Variants in ENOX1 observed in about 807,000 individuals in gnomAD.
The protein encoded by ENOX1 is candidate growth-related and time keeping constitutive hydroquinone (NADH) oxidase.
A neutral mutation model predicts 82.5 loss-of-function variants in ENOX1; 42 were observed. The observed-to-expected ratio is 0.51, with a 90% confidence interval of 0.40 to 0.66. The LOEUF (loss-of-function observed/expected upper bound fraction) is 0.66, where lower values mean the gene tolerates loss of function less well. Among genes scored for constraint, ENOX1 ranks in the 30% least tolerant of loss-of-function variants. ENOX1 has a pLI of 0.00. For missense variants in ENOX1, 608 were observed against 811.6 expected, an observed-to-expected ratio of 0.75 and a Z score of 3.05; for synonymous variants, 271 against 282.2, an observed-to-expected ratio of 0.96 and a Z score of 0.40.
intron 2 of ENOX1, among the ~76,000 whole-genome samples, chr13:43,594,143 G>T (rs1052417624): frequency 6.6e-6 from 1 of 152,216 alleles, no homozygotes; most frequent in African/African-American, 2.4e-5. Context: ...GGAAGGAGAA[G>T]TTCCCTTTAC....
intron 15 of ENOX1, among the ~76,000 whole-genome samples, chr13:43,226,113 A>G (rs2042011281): frequency 6.6e-6 from 1 of 152,146 alleles, no homozygotes; most frequent in Non-Finnish European, 1.5e-5. Flanking sequence ...CCTGACAGCT[A>G]CTTCCCTGTA....
intron 1 of ENOX1, among the ~76,000 whole-genome samples, chr13:43,705,153 G>A (rs1000303112): frequency 6.6e-5 from 10 of 151,250 alleles, no homozygotes; most frequent in African/African-American, 2.4e-4. Flanking sequence ...GGAGACAAAT[G>A]GAAACCAAAT....
chr13:43,360,558 C>T (rs1333999840), intron 6 of ENOX1, among the ~76,000 whole-genome samples: 1 of 152,056 alleles, frequency 6.6e-6, no homozygotes, highest in Non-Finnish European at 1.5e-5. Flanking sequence ...TTATTATTCA[C>T]ATTTAAATGA....
chr13:43,583,823 C>CTT (rs74782852), intron 2 of ENOX1, among the ~76,000 whole-genome samples: 2 of 144,190 alleles, frequency 1.4e-5, no homozygotes. Context: ...ATAAACTTTT[C>CTT]TTTTTTTTTT....
At chr13:43,637,591 A>G (rs1390371) in intron 2 of ENOX1, among the ~76,000 whole-genome samples, 107,925 of 151,552 alleles carry the variant, frequency 0.71, 38,656 homozygotes, top group East Asian at 0.95. Context: ...GCAAAGTTAG[A>G]ACATGTATGG....
At chr13:43,751,400 T>C (rs1483912576) in intron 1 of ENOX1, among the ~76,000 whole-genome samples, 1 of 152,200 alleles carries the variant, frequency 6.6e-6, no homozygotes, top group African/African-American at 2.4e-5. Flanking sequence ...CACAATAAAC[T>C]CCACACTTTA....
chr13:43,662,712 C>T (rs1227221409), intron 2 of ENOX1, among the ~76,000 whole-genome samples: 1 of 152,082 alleles, frequency 6.6e-6, no homozygotes, highest in Non-Finnish European at 1.5e-5. Flanking sequence ...TTTCCTCTAC[C>T]GTTTTAACAA....
intron 1 of ENOX1, among the ~76,000 whole-genome samples, chr13:43,672,629 C>T (rs1176983296): frequency 2.0e-5 from 3 of 152,182 alleles, no homozygotes; most frequent in Non-Finnish European, 4.4e-5. Flanking sequence ...TCCCTAGATA[C>T]TGCTCATATT....
intron 14 of ENOX1, among the ~76,000 whole-genome samples, chr13:43,241,240 T>C (rs1417111412): frequency 6.6e-6 from 1 of 152,230 alleles, no homozygotes; most frequent in African/African-American, 2.4e-5. Flanking sequence ...GGGAAAGTTT[T>C]ATCATTAGAA....
intron 1 of ENOX1, among the ~76,000 whole-genome samples, chr13:43,742,618 A>C (rs1449298922): frequency 6.6e-6 from 1 of 152,152 alleles, no homozygotes; most frequent in Non-Finnish European, 1.5e-5. Context: ...ACCCAGAAAC[A>C]ATGTTTTACC....
intron 11 of ENOX1, among the ~76,000 whole-genome samples, chr13:43,300,113 A>G (rs958805596): frequency 2.0e-5 from 3 of 152,176 alleles, no homozygotes; most frequent in Non-Finnish European, 1.5e-5. Context: ...AGAACATGCA[A>G]TTACCCAGAA....
intron 12 of ENOX1, among the ~76,000 whole-genome samples, chr13:43,293,695 G>T (rs1433124085): frequency 2.6e-5 from 4 of 152,222 alleles, no homozygotes; most frequent in Non-Finnish European, 5.9e-5. Flanking sequence ...GATTGCAGAA[G>T]ACATGCTGAA....
intron 1 of ENOX1, among the ~76,000 whole-genome samples, chr13:43,715,216 T>C (rs1594536174): frequency 2.6e-5 from 4 of 152,354 alleles, no homozygotes; most frequent in South Asian, 2.1e-4. Flanking sequence ...AGTTCTTTTC[T>C]TTAAGAATGT....
At chr13:43,250,058 A>G (rs1429705124) in intron 14 of ENOX1, among the ~76,000 whole-genome samples, 2 of 151,666 alleles carry the variant, frequency 1.3e-5, no homozygotes, top group Non-Finnish European at 2.9e-5. Context: ...GTCTCTTACT[A>G]TCTCCATTTT....
chr13:43,694,950 A>G (rs2086558442), intron 1 of ENOX1, among the ~76,000 whole-genome samples: 1 of 152,192 alleles, frequency 6.6e-6, no homozygotes, highest in Non-Finnish European at 1.5e-5. Context: ...ATGTGCCCCA[A>G]ACATTCTCTT....
At chr13:43,525,080 A>G (rs1474579315) in intron 2 of ENOX1, among the ~76,000 whole-genome samples, 1 of 152,158 alleles carries the variant, frequency 6.6e-6, no homozygotes, top group East Asian at 1.9e-4. Context: ...AATAATGTAT[A>G]TTTTTAAATT....
intron 12 of ENOX1, among the ~76,000 whole-genome samples, chr13:43,274,814 A>G (rs1566395571): frequency 6.6e-6 from 1 of 152,224 alleles, no homozygotes; most frequent in Non-Finnish European, 1.5e-5. Flanking sequence ...TGATATTTCC[A>G]GGCCACTGAT....
At chr13:43,488,031 C>T (rs1225312864) in intron 2 of ENOX1, among the ~76,000 whole-genome samples, 2 of 152,222 alleles carry the variant, frequency 1.3e-5, no homozygotes, top group African/African-American at 2.4e-5. Flanking sequence ...CACTAAGCCA[C>T]ACTACTTTGT....
At chr13:43,785,862 T>TG (rs1952557337) in intron 1 of ENOX1, among the ~76,000 whole-genome samples, 1 of 151,156 alleles carries the variant, frequency 6.6e-6, no homozygotes, top group African/African-American at 2.4e-5. Context: ...GGGGAGGACG[T>TG]GGGGTGGTCT....
Sources: allele counts gnomAD v4.1 joint callset (sites outside exome capture counted in the v4.1 genomes callset), GRCh38; gene constraint gnomAD v4.1.1; transcripts MANE v1.5; gene names NCBI Gene and HGNC (gene_info 2026-07-23, HGNC 2026-07-21).